Variants in CSMD1 observed in about 807,000 individuals in gnomAD.
CSMD1 encodes the protein CUB and sushi domain-containing protein 1.
Under a neutral mutation model 417.5 loss-of-function variants are expected in CSMD1, and 213 were observed. The observed-to-expected ratio is 0.51, with a 90% CI of 0.46 to 0.57. The LOEUF (loss-of-function observed/expected upper bound fraction) is 0.57. CSMD1 is among the 20% of genes least tolerant of loss of function. CSMD1 has a pLI of 0.00. For missense variants in CSMD1, 6,923 were observed against 4,529.7 expected, an observed-to-expected ratio of 1.53 and a Z score of -15.17; for synonymous variants, 2,862 against 1,736.8, an observed-to-expected ratio of 1.65 and a Z score of -16.11.
intron 1 of CSMD1, among the ~76,000 whole-genome samples, chr8:4,753,373 T>G (rs1016527235): frequency 6.6e-6 from 1 of 151,176 alleles, no homozygotes; most frequent in Non-Finnish European, 1.5e-5. Context: ...TAAGGTCTGT[T>G]TTTGTCTCTT....
intron 48 of CSMD1, 141 bp from the exon 49 acceptor site, chr8:3,087,426 A>C (rs1283132831): frequency 2.3e-6 from 2 of 852,212 alleles, no homozygotes; most frequent in African/African-American, 3.4e-5. Context: ...AGTTTGTTCT[A>C]AAGAGCATTC....
At chr8:3,602,074 C>G (rs567927032) in intron 8 of CSMD1, among the ~76,000 whole-genome samples, 89 of 152,234 alleles carry the variant, frequency 5.8e-4, no homozygotes, top group African/African-American at 2.0e-3. Context: ...GGATGGTGGT[C>G]ATGGTTATAC....
chr8:3,006,029 T>C (rs1807864078), intron 52 of CSMD1, among the ~76,000 whole-genome samples: 1 of 152,076 alleles, frequency 6.6e-6, no homozygotes, highest in African/African-American at 2.4e-5. Context: ...AACCCCATTG[T>C]CTCAGCCCAA....
At chr8:3,555,707 TCTATC>T (rs888874831) in intron 10 of CSMD1, among the ~76,000 whole-genome samples, 23 of 152,360 alleles carry the variant, frequency 1.5e-4, no homozygotes, top group African/African-American at 5.5e-4. Flanking sequence ...AAAATATGTG[TCTATC>T]ATATTTGAGT....
In CSMD1 at chr8:3,978,231, C is replaced by T. The variant is rs139339767; in HGVS notation, c.818+19672G>A. ...CACTGCTGTGTGCTAGGATTCCCAG[C>T]GCCTGGCAGCCTCCAGCAGAGGTGA... On this transcript the variant is annotated intron_variant, in intron 5 of 69. Transcript: ENST00000635120. 1.4e-3 allele frequency among the ~76,000 whole-genome samples: 212 copies of T among 152,308 alleles called. 1 individual carries two copies. The highest frequency in any genetic ancestry group is 4.5e-3 in the African/African-American group (186 of 41,564).
chr8:4,969,107 A>G (rs1810077981), intron 1 of CSMD1, among the ~76,000 whole-genome samples: 1 of 152,152 alleles, frequency 6.6e-6, no homozygotes, highest in Admixed American at 6.6e-5. Context: ...GGTTGCTTTT[A>G]TAATTTGCAG....
At chr8:4,191,061 T>C (rs1001363720) in intron 3 of CSMD1, among the ~76,000 whole-genome samples, 2 of 151,644 alleles carry the variant, frequency 1.3e-5, no homozygotes, top group African/African-American at 2.4e-5. Context: ...TTTACCTATG[T>C]AACTAAGATA....
At chr8:4,570,362 C>T (rs929866435) in intron 2 of CSMD1, among the ~76,000 whole-genome samples, 4 of 152,128 alleles carry the variant, frequency 2.6e-5, no homozygotes, top group Admixed American at 1.3e-4. Flanking sequence ...TGAATTTTAT[C>T]GAAGGCCCTG....
At chr8:4,453,887 C>T (rs2959179) in intron 2 of CSMD1, among the ~76,000 whole-genome samples, 124,828 of 144,496 alleles carry the variant, frequency 0.86, 54,067 homozygotes, top group South Asian at 0.94. Context: ...ACTGGCGCGA[C>T]CTCGGCTCAC....
At chr8:3,432,069 A>G (rs1814253091) in intron 12 of CSMD1, among the ~76,000 whole-genome samples, 1 of 152,200 alleles carries the variant, frequency 6.6e-6, no homozygotes. Context: ...TAACATAATA[A>G]TAGGGTCTGA....
chr8:4,452,589 A>G (rs1263728423), intron 2 of CSMD1, among the ~76,000 whole-genome samples: 1 of 152,200 alleles, frequency 6.6e-6, no homozygotes, highest in African/African-American at 2.4e-5. Context: ...ACATCAGAAA[A>G]CCGGTAACGA....
chr8:4,913,918 A>G (rs1233276498), intron 1 of CSMD1, among the ~76,000 whole-genome samples: 1 of 152,232 alleles, frequency 6.6e-6, no homozygotes, highest in Non-Finnish European at 1.5e-5. Flanking sequence ...TAATGCGATT[A>G]CCAAAGGAAT....
At chr8:3,405,527 C>T (rs1245725075) in intron 15 of CSMD1, among the ~76,000 whole-genome samples, 1 of 152,198 alleles carries the variant, frequency 6.6e-6, no homozygotes, top group Non-Finnish European at 1.5e-5. Flanking sequence ...CATTGAGGTC[C>T]TAACCCTCAG....
intron 3 of CSMD1, among the ~76,000 whole-genome samples, chr8:4,167,313 G>A (rs113228098): frequency 5.2e-4 from 79 of 152,224 alleles, no homozygotes; most frequent in African/African-American, 1.7e-3. Flanking sequence ...GCATTCTTAC[G>A]TAACTTAGAG....
chr8:3,042,492 T>C (rs1163083306), intron 50 of CSMD1, among the ~76,000 whole-genome samples: 3 of 151,966 alleles, frequency 2.0e-5, no homozygotes, highest in African/African-American at 7.3e-5. Flanking sequence ...ATGGGACCTT[T>C]GTTTGACTTT....
At chr8:4,478,699 C>G (rs991369559) in intron 2 of CSMD1, among the ~76,000 whole-genome samples, 3 of 152,154 alleles carry the variant, frequency 2.0e-5, no homozygotes, top group East Asian at 1.9e-4. Context: ...TAACTGGTTA[C>G]TTGTAAAGCT....
chr8:3,748,454 T>C (rs1020790831), intron 6 of CSMD1, among the ~76,000 whole-genome samples: 4 of 152,186 alleles, frequency 2.6e-5, no homozygotes, highest in African/African-American at 9.6e-5. Context: ...TGCAGAGCAG[T>C]GGTCCGTGGA....
Position 3,489,820 on chromosome 8 carries a change from G to A in CSMD1, c.1448+3803C>T, listed in dbSNP as rs187019802. Among the ~76,000 whole-genome samples the A allele has an allele frequency of 1.3e-4, 20 of 152,210 alleles. 1 individual carries two copies. The South Asian group carries it at 3.7e-3, about 28-fold the overall frequency. ...TTCTCTTAAAATCGAGATGTAACTA[G>A]AATTCCATATTTCCCACAAAATGGA... On this transcript the variant is annotated intron_variant, in intron 11 of 69. Transcript: ENST00000635120.
chr8:4,263,999 G>A (rs1012415425), intron 3 of CSMD1, among the ~76,000 whole-genome samples: 9 of 152,124 alleles, frequency 5.9e-5, no homozygotes, highest in African/African-American at 1.9e-4. Flanking sequence ...TGTCTTAGAA[G>A]TAAATCAGAT....
Sources: allele counts gnomAD v4.1 joint callset (sites outside exome capture counted in the v4.1 genomes callset), GRCh38; gene constraint gnomAD v4.1.1; transcripts MANE v1.5; gene names NCBI Gene and HGNC (gene_info 2026-07-23, HGNC 2026-07-21).